Variants in SYT7 observed in about 807,000 individuals in gnomAD.
SYT7 encodes synaptotagmin 7.
A neutral mutation model predicts 75.1 loss-of-function variants in SYT7; 29 were observed. That is an observed-to-expected ratio of 0.39 (90% CI 0.29 to 0.53). The LOEUF is 0.53. SYT7 is among the 20% of genes least tolerant of loss of function. The pLI, the probability that SYT7 is intolerant of heterozygous loss-of-function variation, is 0.77. For synonymous variants in SYT7, 376 were observed against 401.7 expected, an observed-to-expected ratio of 0.94 and a Z score of 0.76; for missense variants, 693 against 953.2, an observed-to-expected ratio of 0.73 and a Z score of 3.59.
chr11:61,549,811 G>A (rs1369376919), intron 3 of SYT7, among the ~76,000 whole-genome samples: 1 of 152,228 alleles, frequency 6.6e-6, no homozygotes, highest in Non-Finnish European at 1.5e-5. Context: ...GAGCCCTCAT[G>A]GGCACTGGTC....
In SYT7 at chr11:61,524,561, AG is replaced by A; in HGVS notation, c.1472-30del. The A allele has an allele frequency of 6.5e-7, 1 of 1,540,452 alleles. No individual in the cohort carries two copies. Among genetic ancestry groups the A allele is most frequent in the South Asian group, 1.3e-5 (1 of 79,220 alleles). On this transcript the variant is annotated intron_variant, in intron 9 of 12. Transcript: ENST00000539008. The surrounding 1 kb of genome is among the most constrained non-coding windows in gnomAD (Gnocchi z 4.1). ...GGGGTATAGATGAGTGTGAGTGAAGAGGGGGACAGAGGGGCTGCACGGGGCC... is the reference window on the plus strand; with the variant it reads ...GGGGTATAGATGAGTGTGAGTGAAGAGGGGACAGAGGGGCTGCACGGGGCC...
Position 61,546,963 on chromosome 11 carries a change from G to A in SYT7, c.347+214C>T, listed in dbSNP as rs1224866285. 6.6e-6 allele frequency among the ~76,000 whole-genome samples: 1 copy of A among 152,114 alleles called. No homozygotes were observed. Among genetic ancestry groups the A allele is most frequent in the Non-Finnish European group, 1.5e-5 (1 of 68,020 alleles). ...CCTGCAAGGCTGGCCCTGGGGGAGG[G>A]GACGGGAGCGGGCAGGCAGGTGGGT... On this transcript the variant is annotated intron_variant, in intron 4 of 12. Transcript: ENST00000539008. This position sits in a 1 kb window ranked among gnomAD's most constrained non-coding sequence, Gnocchi z 7.6.
At chr11:61,548,471 G>A (rs1057017787) in intron 3 of SYT7, among the ~76,000 whole-genome samples, 3 of 152,220 alleles carry the variant, frequency 2.0e-5, no homozygotes, top group Non-Finnish European at 4.4e-5. Context: ...AGGCTACTGG[G>A]ACCCCAAGAA....
intron 1 of SYT7, among the ~76,000 whole-genome samples, chr11:61,571,766 A>G (rs2063927539): frequency 6.6e-6 from 1 of 152,124 alleles, no homozygotes; most frequent in Admixed American, 6.5e-5. Context: ...GGGGTCCACA[A>G]TGGCTCCTAT....
rs758255040 is a variant in SYT7, at chr11:61,532,934, G to T, written c.1200+55C>A. The T allele has an allele frequency of 7.5e-6, 12 of 1,601,498 alleles. No homozygotes were observed. The African/African-American group carries it at 9.4e-5, about 12-fold the overall frequency. On this transcript the variant is annotated intron_variant, in intron 8 of 12. Coordinates refer to ENST00000539008, the MANE Select transcript of SYT7 (RefSeq NM_001365809.2). ...TCCCACACACATCCCTCTTCTTCCT[G>T]CCCCTGGCCTCCCAGCCCAGTTCCT...
rs367572760 is a variant in SYT7 at position 61,542,858 on chromosome 11, C to A, written c.573-279G>T. Among the ~76,000 whole-genome samples the A allele has an allele frequency of 6.6e-6, 1 of 152,200 alleles. No homozygotes were observed. The highest frequency in any genetic ancestry group is 2.4e-5 in the African/African-American group (1 of 41,450). Reference sequence around the variant, plus strand: ...AGTGCCAGAATACCTCCTGGCTAGGCCGACCTCCCTGCCGGTCTGAGTGGG... The same window carrying A: ...AGTGCCAGAATACCTCCTGGCTAGGACGACCTCCCTGCCGGTCTGAGTGGG... On this transcript the variant is annotated intron_variant, in intron 5 of 12. Transcript: ENST00000539008. This position sits in a 1 kb window ranked among gnomAD's most constrained non-coding sequence, Gnocchi z 7.8.
Position 61,571,561 on chromosome 11 carries a change from G to A in SYT7, c.31+9229C>T, listed in dbSNP as rs779398381. Among the ~76,000 whole-genome samples the A allele has an allele frequency of 3.9e-5, 6 of 152,202 alleles. 1 individual carries two copies. The South Asian group carries it at 8.3e-4, about 21-fold the overall frequency. On this transcript the variant is annotated intron_variant, in intron 1 of 12. Coordinates refer to ENST00000539008, the MANE Select transcript of SYT7 (RefSeq NM_001365809.2). ...GCTTCCTTCTAGTGCCTGGGTGGCT[G>A]GCACGTCACATCCCGCACCTGCCGG...
At chr11:61,566,476 C>A (rs72914262) in intron 1 of SYT7, among the ~76,000 whole-genome samples, 2,324 of 152,356 alleles carry the variant, frequency 0.015, 27 homozygotes, top group Middle Eastern at 0.024. Flanking sequence ...CAGGTGCCAG[C>A]TCTGAGCTGG....
chr11:61,528,033 G>A lies in SYT7; in HGVS notation c.1353C>T (p.Ser451=), dbSNP rs759497423. Residue 451 remains serine (S), a synonymous_variant, in exon 9 of 13, where the codon AGC becomes AGT. Coordinates refer to ENST00000539008, the MANE Select transcript of SYT7 (RefSeq NM_001365809.2). ...KAQELPAKDF[S]GTSDPFVKIY... Reference sequence around the variant, plus strand: ...TCTTGACGAAGGGGTCGCTGGTGCCGCTGAAGTCCTTGGCCGGCAGCTCCT... The same window carrying A: ...TCTTGACGAAGGGGTCGCTGGTGCCACTGAAGTCCTTGGCCGGCAGCTCCT... 7 of 1,614,012 alleles carry A rather than the reference G, an allele frequency of 4.3e-6. No individual in the cohort carries two copies. Among genetic ancestry groups the A allele is most frequent in the Non-Finnish European group, 5.1e-6 (6 of 1,180,052 alleles).
chr11:61,541,380 G>C, intron 6 of SYT7: 1 of 883,722 alleles, frequency 1.1e-6, no homozygotes, highest in Non-Finnish European at 1.4e-6. Flanking sequence ...TCTGAGAGTG[G>C]GGGGCAGATG....
intron 8 of SYT7, among the ~76,000 whole-genome samples, chr11:61,531,462 G>C (rs17849203): frequency 2.0e-5 from 3 of 152,162 alleles, no homozygotes; most frequent in Admixed American, 6.5e-5. Flanking sequence ...CTTCCTGGGG[G>C]GGGGAAGATG....
At chr11:61,573,183 C>T (rs1442077982) in intron 1 of SYT7, among the ~76,000 whole-genome samples, 1 of 152,176 alleles carries the variant, frequency 6.6e-6, no homozygotes, top group Non-Finnish European at 1.5e-5. Flanking sequence ...GGGCCTGGCC[C>T]TGATGCCTGG....
Position 61,524,382 on chromosome 11 carries a change from T to C in SYT7, c.1622A>G (p.Lys541Arg). Residue 541 changes from lysine (K) to arginine (R), a missense_variant, in exon 10 of 13, where the codon AAG becomes AGG. Lys to Arg is a conservative substitution (Grantham distance 26). Coordinates refer to ENST00000539008, the MANE Select transcript of SYT7 (RefSeq NM_001365809.2). The surrounding 1 kb of genome is among the most constrained non-coding windows in gnomAD (Gnocchi z 4.1). ...TQMQTFWKDLKPCSDGSGSRG... is the reference protein window; with the variant it reads ...TQMQTFWKDLRPCSDGSGSRG... ...CCTTACACTCCCATCGCTGCATGGC[T>C]TCAGATCCTTCCAGAAGGTCTGCAT... 6.2e-7 allele frequency: 1 copy of C among 1,614,122 alleles called. No homozygotes were observed. The highest frequency in any genetic ancestry group is 8.5e-7 in the Non-Finnish European group (1 of 1,179,982).
At chr11:61,571,908 T>C (rs565315430) in intron 1 of SYT7, among the ~76,000 whole-genome samples, 4 of 152,198 alleles carry the variant, frequency 2.6e-5, no homozygotes, top group Admixed American at 2.0e-4. Context: ...CTCCCATCAT[T>C]CCTGAGCAGG....
rs1046141865 is a variant in SYT7, at chr11:61,580,799, C to T, written c.22G>A (p.Ala8Thr). 9 of 1,289,524 alleles carry T rather than the reference C, an allele frequency of 7.0e-6. No individual in the cohort carries two copies. The highest frequency in any genetic ancestry group is 3.3e-5 in the East Asian group (1 of 30,094). The allele number at this position is 1,289,524 out of a possible 1,614,324, so 79.9% of individuals were successfully genotyped here. ...CCGGGGCCGCGCTTACCTGGGCTGG[C>T]CGCCTCCGGGTCCCGGTACATGGTC... MYRDPEA[A>T]SPGAPSRDVL... is the part of the protein sequence containing the mutation. Residue 8 changes from alanine to threonine, a missense_variant, in exon 1 of 13, where the codon GCC becomes ACC. This residue lies in a region of SYT7 where 487 missense variants were observed against 593.2 expected (regional missense o/e 0.82). Transcript: ENST00000539008. This position sits in a 1 kb window ranked among gnomAD's most constrained non-coding sequence, Gnocchi z 6.1.
At chr11:61,581,202 C>G (rs989150592), upstream of SYT7, 3 of 147,076 alleles carry the variant, frequency 2.0e-5, no homozygotes, top group African/African-American at 7.4e-5. Flanking sequence ...CAGCCACCGC[C>G]TGCGCCCGCT....
chr11:61,581,315 G>T (rs1031886224), upstream of SYT7, among the ~76,000 whole-genome samples: 1 of 149,844 alleles, frequency 6.7e-6, no homozygotes, highest in Non-Finnish European at 1.5e-5. Flanking sequence ...TCCCCGCGGG[G>T]AGGGCCGCCG....
rs970533315 is a variant in SYT7 at position 61,551,215 on chromosome 11, C to T, written c.215+169G>A. Among the ~76,000 whole-genome samples the T allele has an allele frequency of 3.9e-5, 6 of 152,038 alleles. No individual in the cohort carries two copies. The highest frequency in any genetic ancestry group is 2.1e-4 in the South Asian group (1 of 4,818). On this transcript the variant is annotated intron_variant, in intron 3 of 12. Coordinates refer to ENST00000539008, the MANE Select transcript of SYT7 (RefSeq NM_001365809.2). This position sits in a 1 kb window ranked among gnomAD's most constrained non-coding sequence, Gnocchi z 5.3. The stretch of plus-strand genomic sequence containing the variant: ...GGGGCTTGGGCACAGGCAGAAAAGA[C>T]GGGGCCCCTGAGTTTTTGGGGGTGT...
At position 61,517,940 on chromosome 11, in the gene SYT7, C is replaced by T. The variant is rs2062189409; in HGVS notation, c.*687G>A. ...TTCTGACCTCTGCCTCACCCGACCC[C>T]ACTCAGCCCTATGGGCCTCTCCTCT... On this transcript the variant is annotated 3_prime_UTR_variant, in exon 13 of 13. Coordinates refer to ENST00000539008, the MANE Select transcript of SYT7 (RefSeq NM_001365809.2). The T allele has an allele frequency of 9.8e-6, 2 of 204,722 alleles. No individual in the cohort carries two copies. Among genetic ancestry groups the T allele is most frequent in the Middle Eastern group, 1.7e-3 (1 of 590 alleles). The allele number at this position is 204,722 out of a possible 1,614,324, so 12.7% of individuals were successfully genotyped here. A position where few individuals can be genotyped will look rare whatever the true frequency, so the allele number is the denominator to read the frequency against.
Sources: allele counts gnomAD v4.1 joint callset (sites outside exome capture counted in the v4.1 genomes callset), GRCh38; gene constraint gnomAD v4.1.1; regional missense constraint gnomAD v4.1.1; non-coding constraint Gnocchi (gnomAD v3.1); transcripts MANE v1.5; gene names NCBI Gene and HGNC (gene_info 2026-07-23, HGNC 2026-07-21).